Variants in AUTS2 observed in about 807,000 individuals in gnomAD.
AUTS2 encodes activator of transcription and developmental regulator AUTS2, also known as autism susceptibility gene 2 protein.
In AUTS2, 17 loss-of-function variants were observed where a neutral mutation model predicts 112.4. That is an observed-to-expected ratio of 0.15 (90% confidence interval 0.10 to 0.23). The LOEUF is 0.23. Among genes scored for constraint, AUTS2 ranks in the 10% least tolerant of loss-of-function variants. The pLI is 1.00. For missense variants in AUTS2, 1,510 were observed against 1,701.6 expected (o/e 0.89, Z 1.98); for synonymous variants, 751 against 702.7 (o/e 1.07, Z -1.09).
At chr7:70,602,154 A>G (rs1469797272) in intron 5 of AUTS2, among the ~76,000 whole-genome samples, 1 of 141,682 alleles carries the variant, frequency 7.1e-6, no homozygotes, top group African/African-American at 2.6e-5. Context: ...GGGCAAAAGA[A>G]TTTCAAAACA....
rs930213353 is a variant in AUTS2 at position 70,660,147 on chromosome 7, A to G, written c.691-38422A>G. ...AGCCAAGACTGCACCACTGTACTCC[A>G]GCCTGAGCAAGAGAGTGAGACTCTG... On this transcript the variant is annotated intron_variant, in intron 5 of 18. Coordinates refer to ENST00000342771, the MANE Select transcript of AUTS2 (RefSeq NM_015570.4). 4.6e-5 allele frequency among the ~76,000 whole-genome samples: 7 copies of G among 152,080 alleles called. No individual in the cohort carries two copies. In the East Asian group the frequency reaches 1.4e-3, roughly 30 times the overall value.
intron 1 of AUTS2, among the ~76,000 whole-genome samples, chr7:69,779,529 C>T (rs985900161): frequency 8.6e-5 from 13 of 151,942 alleles, no homozygotes; most frequent in African/African-American, 2.7e-4. Context: ...TTTGGAAGGC[C>T]GAGGAAGGCA....
chr7:70,184,893 G>C, intron 4 of AUTS2, among the ~76,000 whole-genome samples: 1 of 151,970 alleles, frequency 6.6e-6, no homozygotes, highest in East Asian at 1.9e-4. Flanking sequence ...TTCTTCGAAG[G>C]CTATATTTTG....
At position 70,789,906 on chromosome 7, in the gene AUTS2, A is replaced by G. The variant is rs1585700186; in HGVS notation, c.2690A>G (p.His897Arg). The G allele has an allele frequency of 6.2e-7, 1 of 1,613,652 alleles. No individual in the cohort carries two copies. The highest frequency in any genetic ancestry group is 1.3e-5 in the African/African-American group (1 of 74,798). ...KDKPKERERDHSESRKDLAAD... is the reference protein window; with the variant it reads ...KDKPKERERDRSESRKDLAAD... ...AAACCCAAAGAGAGGGAGAGAGACC[A>G]CTCGGAATCCCGCAAGGACCTGGCC... The change falls in exon 19 of 19, where the codon CAC (histidine) becomes CGC (arginine). Residue 897 changes from histidine (H) to arginine (R), a missense_variant. This residue lies in a region of AUTS2 where 788 missense variants were observed against 797.6 expected (regional missense o/e 0.99). Transcript: ENST00000342771.
chr7:70,311,124 G>C, intron 4 of AUTS2, among the ~76,000 whole-genome samples: 1 of 152,160 alleles, frequency 6.6e-6, no homozygotes, highest in Admixed American at 6.5e-5. Context: ...TCCTAAAACA[G>C]GTTGATGGCT....
chr7:70,615,161 T>C (rs896529250), intron 5 of AUTS2, among the ~76,000 whole-genome samples: 1 of 152,234 alleles, frequency 6.6e-6, no homozygotes, highest in Non-Finnish European at 1.5e-5. Context: ...GGAAGATTTA[T>C]CATGAGTTCC....
chr7:70,487,921 A>T (rs1438772032), intron 5 of AUTS2, among the ~76,000 whole-genome samples: 1 of 152,196 alleles, frequency 6.6e-6, no homozygotes, highest in Non-Finnish European at 1.5e-5. Flanking sequence ...GGATGAGTAG[A>T]TGGAAGGCTG....
chr7:70,445,435 C>A (rs1796282590), intron 5 of AUTS2, among the ~76,000 whole-genome samples: 1 of 152,124 alleles, frequency 6.6e-6, no homozygotes, highest in African/African-American at 2.4e-5. Flanking sequence ...TCACCCCCAC[C>A]CAAACAATTG....
intron 4 of AUTS2, among the ~76,000 whole-genome samples, chr7:70,320,886 G>C (rs1314550467): frequency 6.6e-6 from 1 of 152,122 alleles, no homozygotes; most frequent in Non-Finnish European, 1.5e-5. Flanking sequence ...GTTGGACCAG[G>C]CTCTTGTCTG....
Position 69,988,804 on chromosome 7 carries a change from C to T in AUTS2, c.522+89306C>T, listed in dbSNP as rs373875452. On this transcript the variant is annotated intron_variant, in intron 2 of 18. Transcript: ENST00000342771. Reference sequence around the variant, plus strand: ...GACACTGGCTTCCTGTTTAATTTCCCGTACTCGTGGGAGTGATAATACATT... The same window carrying T: ...GACACTGGCTTCCTGTTTAATTTCCTGTACTCGTGGGAGTGATAATACATT... Among the ~76,000 whole-genome samples the T allele has an allele frequency of 9.8e-4, 149 of 152,256 alleles. 2 individuals carry two copies. The South Asian group carries it at 0.027, about 27-fold the overall frequency.
intron 1 of AUTS2, among the ~76,000 whole-genome samples, chr7:69,876,347 A>AATATAT (rs1793757792): frequency 2.2e-5 from 1 of 46,482 alleles, no homozygotes; most frequent in African/African-American, 8.7e-5. Context: ...AAAAAAAAAA[A>AATATAT]AAATATATAT....
At chr7:70,489,637 G>A (rs1798158603) in intron 5 of AUTS2, among the ~76,000 whole-genome samples, 1 of 152,186 alleles carries the variant, frequency 6.6e-6, no homozygotes, top group Admixed American at 6.5e-5. Context: ...ATGCACAGGA[G>A]GACATCATCA....
chr7:69,842,072 G>A (rs949538491), intron 1 of AUTS2, among the ~76,000 whole-genome samples: 4 of 152,174 alleles, frequency 2.6e-5, no homozygotes, highest in African/African-American at 9.7e-5. Flanking sequence ...AGAGAAAGCT[G>A]TGAATTCAGG....
intron 1 of AUTS2, among the ~76,000 whole-genome samples, chr7:69,671,417 G>A (rs1335491878): frequency 1.3e-5 from 2 of 151,812 alleles, no homozygotes; most frequent in South Asian, 2.1e-4. Flanking sequence ...GTACTATAAG[G>A]TGATACTTAG....
At chr7:70,015,154 T>C (rs1418468402) in intron 2 of AUTS2, among the ~76,000 whole-genome samples, 3 of 152,196 alleles carry the variant, frequency 2.0e-5, no homozygotes, top group Non-Finnish European at 4.4e-5. Context: ...AAAGTCCTAT[T>C]AATTTGCTTT....
At chr7:69,902,523 G>A (rs1311021741) in intron 2 of AUTS2, among the ~76,000 whole-genome samples, 1 of 152,146 alleles carries the variant, frequency 6.6e-6, no homozygotes, top group Non-Finnish European at 1.5e-5. Flanking sequence ...GACTTGGTTA[G>A]AATGAATTAG....
chr7:70,302,766 C>T (rs1261630153), intron 4 of AUTS2, among the ~76,000 whole-genome samples: 3 of 152,190 alleles, frequency 2.0e-5, no homozygotes, highest in African/African-American at 7.2e-5. Flanking sequence ...GGCTGTCTGG[C>T]TCATCTCTTT....
At chr7:70,698,485 C>A in intron 5 of AUTS2, 84 bp from the exon 6 acceptor site, 2 of 1,214,216 alleles carry the variant, frequency 1.6e-6, no homozygotes, top group East Asian at 2.4e-5. Context: ...ATGTAGTCAA[C>A]TGATTTAAAA....
At chr7:70,017,820 A>G (rs941722696) in intron 2 of AUTS2, among the ~76,000 whole-genome samples, 1 of 148,528 alleles carries the variant, frequency 6.7e-6, no homozygotes, top group Non-Finnish European at 1.5e-5. Flanking sequence ...TATATTTATA[A>G]ATATATTTAT....
Sources: gnomAD v4.1 joint callset for allele counts (sites outside exome capture counted in the v4.1 genomes callset) on GRCh38, gnomAD v4.1.1 for gene constraint, gnomAD v4.1.1 regional missense constraint, MANE v1.5 for transcripts, NCBI Gene and HGNC (gene_info 2026-07-23, HGNC 2026-07-21) for gene names.